Variants in ASXL2 observed in about 807,000 individuals in gnomAD.
The protein encoded by ASXL2 is ASXL transcriptional regulator 2.
A neutral mutation model predicts 122.0 loss-of-function variants in ASXL2; 23 were observed. The observed-to-expected ratio is 0.19, with a 90% CI of 0.14 to 0.27. ASXL2 has a LOEUF of 0.27. ASXL2 is among the 10% of genes least tolerant of loss of function. The probability of loss-of-function intolerance (pLI) is 1.00; values close to 1 mark genes in which losing one functional copy is unlikely to be tolerated. For synonymous variants in ASXL2, 650 were observed against 637.0 expected (o/e 1.02, Z -0.31); for missense variants, 1,518 against 1,713.8 (o/e 0.89, Z 2.02).
chr2:25,810,000 G>T, intron 3 of ASXL2: 5 of 537,710 alleles, frequency 9.3e-6, no homozygotes, highest in South Asian at 6.9e-5. Flanking sequence ...TACATTTTCA[G>T]TTTATCTTCC....
intron 5 of ASXL2, among the ~76,000 whole-genome samples, chr2:25,777,769 G>A (rs557705056): frequency 1.3e-5 from 2 of 152,056 alleles, no homozygotes; most frequent in East Asian, 1.9e-4. Context: ...GGAGTTCATT[G>A]AACTCTCATA....
intron 1 of ASXL2, among the ~76,000 whole-genome samples, chr2:25,853,042 T>A (rs2089735218): frequency 2.0e-5 from 3 of 152,220 alleles, no homozygotes; most frequent in Admixed American, 6.5e-5. Flanking sequence ...GAAGTTGCAC[T>A]GAACCAGCAT....
chr2:25,855,762 G>A (rs1421082885), intron 1 of ASXL2, among the ~76,000 whole-genome samples: 1 of 151,280 alleles, frequency 6.6e-6, no homozygotes, highest in Non-Finnish European at 1.5e-5. Flanking sequence ...CTTGATCCCG[G>A]GAGGCAGAGG....
rs541446675 is a variant in ASXL2, at chr2:25,843,814, T to TA, written c.140+1666dup. On this transcript the variant is annotated intron_variant, in intron 2 of 12. Coordinates refer to ENST00000435504, the MANE Select transcript of ASXL2 (RefSeq NM_018263.6). ...GGCAACATAATGAGACTCCATCTCTTAAAAAAAAAAAAAAAAAAGAAAGAA... is the reference window on the plus strand; with the variant it reads ...GGCAACATAATGAGACTCCATCTCTTAAAAAAAAAAAAAAAAAAAGAAAGAA... 9.4e-3 allele frequency among the ~76,000 whole-genome samples: 815 copies of TA among 86,460 alleles called. 10 individuals are homozygous for TA. Among genetic ancestry groups the TA allele is most frequent in the African/African-American group, 0.02 (414 of 21,172 alleles). The allele number at this position is 86,460 out of a possible 152,430, so 56.7% of individuals were successfully genotyped here. A position where few individuals can be genotyped will look rare whatever the true frequency, so the allele number is the denominator to read the frequency against.
chr2:25,828,310 G>A (rs1220844187), intron 3 of ASXL2, among the ~76,000 whole-genome samples: 1 of 151,734 alleles, frequency 6.6e-6, no homozygotes, highest in Non-Finnish European at 1.5e-5. Flanking sequence ...TTCGAGACCA[G>A]CCTGACCAAC....
Position 25,757,674 on chromosome 2 carries a change from CAAAAAAAA to C in ASXL2, c.940-1568_940-1561del, listed in dbSNP as rs60732948. Among the ~76,000 whole-genome samples the C allele has an allele frequency of 1.1e-4, 4 of 35,818 alleles. No homozygotes were observed. In the South Asian group the frequency reaches 6.1e-3, roughly 55 times the overall value. The allele number at this position is 35,818 out of a possible 152,430, so 23.5% of individuals were successfully genotyped here. A position where few individuals can be genotyped will look rare whatever the true frequency, so the allele number is the denominator to read the frequency against. On this transcript the variant is annotated intron_variant, in intron 9 of 12. Coordinates refer to ENST00000435504, the MANE Select transcript of ASXL2 (RefSeq NM_018263.6). Reference sequence around the variant, plus strand: ...CAGGCGACAGAGGGAGACTCCATCTCAAAAAAAAAAAAAAAAAAAAAAAAAAAGAATAC... The same window carrying C: ...CAGGCGACAGAGGGAGACTCCATCTCAAAAAAAAAAAAAAAAAAAGAATAC...
At chr2:25,822,438 C>T (rs1454380358) in intron 3 of ASXL2, 2 of 349,766 alleles carry the variant, frequency 5.7e-6, no homozygotes, top group African/African-American at 2.2e-5. Flanking sequence ...GGGCCGCCCA[C>T]CTGTTCGCCC....
At chr2:25,762,552 C>A (rs1260250988) in intron 8 of ASXL2, among the ~76,000 whole-genome samples, 9 of 150,044 alleles carry the variant, frequency 6.0e-5, no homozygotes, top group African/African-American at 2.2e-4. Flanking sequence ...GTAATCCCAG[C>A]TACTCAGGAG....
intron 12 of ASXL2, among the ~76,000 whole-genome samples, chr2:25,745,216 CT>C (rs58245687): frequency 0.7 from 100,547 of 142,858 alleles, 36,403 homozygotes; most frequent in Non-Finnish European, 0.8. Flanking sequence ...CCTAGGAAGT[CT>C]TTTTTTTTTT....
chr2:25,806,771 T>C (rs1454221665), intron 3 of ASXL2, among the ~76,000 whole-genome samples: 4 of 152,166 alleles, frequency 2.6e-5, no homozygotes, highest in Non-Finnish European at 5.9e-5. Flanking sequence ...ACATTGCCAT[T>C]GTCTCTTGTA....
intron 5 of ASXL2, among the ~76,000 whole-genome samples, chr2:25,772,460 C>T (rs745891690): frequency 6.6e-5 from 10 of 152,012 alleles, no homozygotes; most frequent in East Asian, 1.9e-4. Context: ...AGACCGTGTG[C>T]GGTGGCTCAT....
chr2:25,762,313 CAAAAAAAAA>C (rs35610577), intron 8 of ASXL2, among the ~76,000 whole-genome samples: 1 of 107,398 alleles, frequency 9.3e-6, no homozygotes. Flanking sequence ...ATGAACACAC[CAAAAAAAAA>C]AAAAAAAAAA....
At chr2:25,862,593 GGTTTT>G (rs1005026556) in intron 1 of ASXL2, among the ~76,000 whole-genome samples, 3 of 152,048 alleles carry the variant, frequency 2.0e-5, no homozygotes, top group Non-Finnish European at 1.5e-5. Flanking sequence ...AATAATTTGT[GGTTTT>G]GTTTGTTTGT....
intron 3 of ASXL2, among the ~76,000 whole-genome samples, chr2:25,811,541 G>A (rs1409455472): frequency 2.0e-5 from 3 of 151,794 alleles, no homozygotes; most frequent in Admixed American, 6.6e-5. Context: ...AAAAAAGGAC[G>A]TGAACAAATG....
chr2:25,875,023 T>A (rs1041936180), intron 1 of ASXL2, among the ~76,000 whole-genome samples: 2 of 152,200 alleles, frequency 1.3e-5, no homozygotes, highest in African/African-American at 4.8e-5. Flanking sequence ...TGAGTTGCCA[T>A]GAGCCGCCAT....
At chr2:25,758,305 C>T (rs1230160238) in intron 9 of ASXL2, among the ~76,000 whole-genome samples, 1 of 152,162 alleles carries the variant, frequency 6.6e-6, no homozygotes, top group Non-Finnish European at 1.5e-5. Flanking sequence ...CTCTGTTATC[C>T]TCTTACTACG....
At chr2:25,847,816 C>T (rs528921472) in intron 1 of ASXL2, among the ~76,000 whole-genome samples, 6 of 152,008 alleles carry the variant, frequency 3.9e-5, no homozygotes, top group Non-Finnish European at 8.8e-5. Context: ...CAAGAAGTTG[C>T]AGGTTTAAAT....
Position 25,743,455 on chromosome 2 carries a change from T to G in ASXL2, c.2882A>C (p.Asp961Ala). 3 of 1,613,780 alleles carry G rather than the reference T, an allele frequency of 1.9e-6. No individual in the cohort carries two copies. Among genetic ancestry groups the G allele is most frequent in the Non-Finnish European group, 2.5e-6 (3 of 1,179,892 alleles). The change falls in exon 13 of 13, where the codon GAT (aspartate) becomes GCT (alanine). Residue 961 changes from aspartate (D) to alanine (A), a missense_variant. By Grantham distance (126) the Asp-to-Ala change is moderately radical. This residue lies in a region of ASXL2 where 831 missense variants were observed against 833.1 expected (regional missense o/e 1.00). Transcript: ENST00000435504. ...PLVTQLLQGK[D>A]VPMEQILPKP... The stretch of plus-strand genomic sequence containing the variant: ...AGGCAGAATTTGCTCCATGGGAACA[T>G]CTTTGCCTTGAAGCAGCTGAGTCAC...
chr2:25,820,149 C>T lies in ASXL2; in HGVS notation c.144-13812G>A, dbSNP rs144825289. On this transcript the variant is annotated intron_variant, in intron 3 of 12. Coordinates refer to ENST00000435504, the MANE Select transcript of ASXL2 (RefSeq NM_018263.6). ...CAGGTTGGTCTTGAACTCCTGCACT[C>T]AAGCAATCCTCCCACCTCAGCTCCC... Among the ~76,000 whole-genome samples the T allele has an allele frequency of 2.9e-3, 443 of 152,230 alleles. 1 individual carries two copies. The highest frequency in any genetic ancestry group is 9.2e-3 in the African/African-American group (380 of 41,526).
Sources: allele counts gnomAD v4.1 joint callset (sites outside exome capture counted in the v4.1 genomes callset), GRCh38; gene constraint gnomAD v4.1.1; regional missense constraint gnomAD v4.1.1; transcripts MANE v1.5; gene names NCBI Gene and HGNC (gene_info 2026-07-23, HGNC 2026-07-21).